Variants in CFC1 observed in about 807,000 individuals in gnomAD.
The protein encoded by CFC1 is cryptic protein.
For missense variants in CFC1, 14 were observed against 120.0 expected, an observed-to-expected ratio of 0.12 and a Z score of 4.13; for synonymous variants, 8 against 50.7, an observed-to-expected ratio of 0.16 and a Z score of 3.58.
chr2:130,594,353 G>C (rs1243376113), intron 5 of CFC1, among the ~76,000 whole-genome samples: 1 of 145,910 alleles, frequency 6.9e-6, no homozygotes, highest in East Asian at 2.0e-4. Flanking sequence ...CTCACAGCAT[G>C]TGAAGCTATT....
At position 130,592,324 on chromosome 2, in the gene CFC1, G is replaced by A. The variant is rs1684830706; in HGVS notation, c.*553C>T. 3 of 203,674 alleles carry A rather than the reference G, an allele frequency of 1.5e-5. No individual in the cohort carries two copies. The highest frequency in any genetic ancestry group is 3.0e-5 in the Non-Finnish European group (3 of 100,638). The allele number at this position is 203,674 out of a possible 1,614,324, so 12.6% of individuals were successfully genotyped here. A position where few individuals can be genotyped will look rare whatever the true frequency, so the allele number is the denominator to read the frequency against. ...ATGTCACACAGGCTCATGAACTACA[G>A]TGGATTTAAAAAGCTGAAGAGCTCA... is the stretch of plus-strand genomic sequence containing the variant. On this transcript the variant is annotated 3_prime_UTR_variant, in exon 6 of 6. Transcript: ENST00000259216.
intron 5 of CFC1, among the ~76,000 whole-genome samples, chr2:130,593,405 C>T (rs1178893285): frequency 2.6e-5 from 4 of 152,290 alleles, no homozygotes; most frequent in South Asian, 4.1e-4. Context: ...GGTCATTGAG[C>T]GATGGGGCAC....
At chr2:130,593,251 C>T (rs1334883459) in intron 5 of CFC1, among the ~76,000 whole-genome samples, 175 bp from the exon 6 acceptor site, 3 of 152,122 alleles carry the variant, frequency 2.0e-5, no homozygotes, top group South Asian at 2.1e-4. Context: ...CAGTCCCGGC[C>T]GGCTGCACAG....
At chr2:130,595,834 T>C (rs1684950506) in intron 5 of CFC1, among the ~76,000 whole-genome samples, 1 of 144,448 alleles carries the variant, frequency 6.9e-6, no homozygotes, top group South Asian at 2.1e-4. Context: ...CTTCCCCAAA[T>C]GTAAAAGGTG....
intron 5 of CFC1, among the ~76,000 whole-genome samples, chr2:130,595,954 T>TA (rs1356077411): frequency 2.0e-5 from 2 of 101,258 alleles, no homozygotes; most frequent in African/African-American, 4.9e-5. Flanking sequence ...GAGCTTGCCC[T>TA]ATTGCAATGG....
rs1365501471 is a variant in CFC1, at chr2:130,592,206, A to T, written c.*671T>A. 1 of 150,412 alleles carries T rather than the reference A, an allele frequency of 6.6e-6. No homozygotes were observed. Among genetic ancestry groups the T allele is most frequent in the Non-Finnish European group, 1.4e-5 (1 of 69,118 alleles). The allele number at this position is 150,412 out of a possible 1,614,324, so 9.3% of individuals were successfully genotyped here. ...TTTATTTTTCTTTAATACTCATTTGAATGTTACGTTAAATTCATATTTTCA... is the reference window on the plus strand; with the variant it reads ...TTTATTTTTCTTTAATACTCATTTGTATGTTACGTTAAATTCATATTTTCA... On this transcript the variant is annotated 3_prime_UTR_variant, in exon 6 of 6. Transcript: ENST00000259216.
intron 5 of CFC1, among the ~76,000 whole-genome samples, chr2:130,593,517 C>A (rs533169941): frequency 2.0e-5 from 3 of 151,986 alleles, no homozygotes; most frequent in African/African-American, 7.3e-5. Context: ...CGAAATATTT[C>A]TTTGACGAGG....
Position 130,598,629 on chromosome 2 carries a change from C to T in CFC1, c.247+13G>A, listed in dbSNP as rs778433166. ...ATGACGCCCCGGATTTTGTGGGCAG[C>T]GCTGCAACTTACCCTCTCCGAAAGC... is the stretch of plus-strand genomic sequence containing the variant. On this transcript the variant is annotated intron_variant, in intron 3 of 5. Transcript: ENST00000259216. 1.2e-6 allele frequency: 2 copies of T among 1,613,946 alleles called. No homozygotes were observed. The highest frequency in any genetic ancestry group is 2.2e-5 in the East Asian group (1 of 44,896).
rs539520768 is a variant in CFC1 at position 130,594,118 on chromosome 2, A to G, written c.473-1042T>C. Reference sequence around the variant, plus strand: ...GCATGAAACTGGAAATTAACAAGGAATGATGCAGATGAACACCTGCAGCAA... The same window carrying G: ...GCATGAAACTGGAAATTAACAAGGAGTGATGCAGATGAACACCTGCAGCAA... On this transcript the variant is annotated intron_variant, in intron 5 of 5. Coordinates refer to ENST00000259216, the MANE Select transcript of CFC1 (RefSeq NM_032545.4). Among the ~76,000 whole-genome samples the G allele has an allele frequency of 3.6e-4, 54 of 151,770 alleles. No homozygotes were observed. In the East Asian group the frequency reaches 0.01, roughly 29 times the overall value.
At position 130,594,371 on chromosome 2, in the gene CFC1, G is replaced by C. The variant is rs1462876864; in HGVS notation, c.473-1295C>G. ...ACAGCATGTGAAGCTATTCAGGTGA[G>C]AAAGGGGTCAGCAGTACTGGGTCCG... On this transcript the variant is annotated intron_variant, in intron 5 of 5. Transcript: ENST00000259216. Among the ~76,000 whole-genome samples the C allele has an allele frequency of 3.6e-4, 52 of 143,346 alleles. 2 individuals carry two copies. Among genetic ancestry groups the C allele is most frequent in the African/African-American group, 1.5e-3 (51 of 34,006 alleles). 94.0% of individuals were successfully genotyped at this position (143,346 alleles called of 152,430 possible).
chr2:130,593,447 A>G (rs1684873478), intron 5 of CFC1, among the ~76,000 whole-genome samples: 1 of 152,166 alleles, frequency 6.6e-6, no homozygotes, highest in South Asian at 2.1e-4. Context: ...GCTATAGTAT[A>G]TAAATCAGCT....
At chr2:130,593,464 C>T (rs1371293324) in intron 5 of CFC1, among the ~76,000 whole-genome samples, 7 of 152,108 alleles carry the variant, frequency 4.6e-5, no homozygotes, top group East Asian at 1.9e-4. Flanking sequence ...AGCTCGCTTC[C>T]GTCTGCTGCA....
At chr2:130,595,419 T>G (rs1200908053) in intron 5 of CFC1, among the ~76,000 whole-genome samples, 1 of 149,218 alleles carries the variant, frequency 6.7e-6, no homozygotes, top group Non-Finnish European at 1.5e-5. Flanking sequence ...GTCATATTGA[T>G]AATTACTCTT....
intron 5 of CFC1, among the ~76,000 whole-genome samples, chr2:130,593,690 TC>T (rs1388952006): frequency 3.4e-5 from 5 of 147,726 alleles, no homozygotes; most frequent in African/African-American, 1.3e-4. Context: ...AGTCCCTGTG[TC>T]CCCTCCCCAC....
intron 5 of CFC1, among the ~76,000 whole-genome samples, chr2:130,593,336 A>C (rs1404439930): frequency 6.6e-6 from 1 of 152,300 alleles, no homozygotes; most frequent in Admixed American, 6.5e-5. Flanking sequence ...AGGGGGAACG[A>C]AGAACAGCCC....
intron 5 of CFC1, among the ~76,000 whole-genome samples, chr2:130,594,144 G>C (rs1209684902): frequency 6.6e-6 from 1 of 151,718 alleles, no homozygotes; most frequent in African/African-American, 2.4e-5. Context: ...CCTGCAGCAA[G>C]AACCACTCTA....
intron 5 of CFC1, among the ~76,000 whole-genome samples, chr2:130,594,400 T>A (rs1684908349): frequency 7.0e-6 from 1 of 142,072 alleles, no homozygotes; most frequent in Admixed American, 6.8e-5. Context: ...GGGTCCGTGC[T>A]GGCCTTCCCC....
chr2:130,596,824 C>CG (rs1684972895), intron 5 of CFC1, among the ~76,000 whole-genome samples: 1 of 144,776 alleles, frequency 6.9e-6, no homozygotes, highest in Non-Finnish European at 1.5e-5. Flanking sequence ...AGTGGGGTTG[C>CG]GGGGCTGTGC....
intron 5 of CFC1, among the ~76,000 whole-genome samples, chr2:130,595,695 G>A (rs1413994301): frequency 3.6e-4 from 54 of 150,470 alleles, no homozygotes; most frequent in Admixed American, 9.9e-4. Context: ...CCGAGACTGC[G>A]CCACTGCACC....
Sources: allele counts gnomAD v4.1 joint callset (sites outside exome capture counted in the v4.1 genomes callset), GRCh38; gene constraint gnomAD v4.1.1; transcripts MANE v1.5; gene names NCBI Gene and HGNC (gene_info 2026-07-23, HGNC 2026-07-21).